The following CRYBB2 variants were observed in gnomAD, a reference collection of about 807,000 sequenced individuals.
CRYBB2 encodes the protein beta-crystallin B2.
A neutral mutation model predicts 24.3 loss-of-function variants in CRYBB2; 12 were observed. The observed-to-expected ratio is 0.49, with a 90% CI of 0.32 to 0.80. The LOEUF is 0.80. CRYBB2 is among the 30% of genes least tolerant of loss of function. CRYBB2 has a pLI of 0.04. For synonymous variants in CRYBB2, 98 were observed against 101.6 expected, an observed-to-expected ratio of 0.96 and a Z score of 0.21; for missense variants, 198 against 268.5, an observed-to-expected ratio of 0.74 and a Z score of 1.83.
intron 4 of CRYBB2, among the ~76,000 whole-genome samples, chr22:25,228,982 G>C (rs8135808): frequency 1.3e-5 from 2 of 150,238 alleles, no homozygotes; most frequent in Admixed American, 1.3e-4. Context: ...GTGTGTGCAC[G>C]CATGTGTGGG....
Position 25,231,620 on chromosome 22 carries a change from T to C in CRYBB2, c.466T>C (p.Tyr156His). Residue 156 changes from tyrosine (Y) to histidine (H), a missense_variant, in exon 6 of 6, where the codon TAC (tyrosine) becomes CAC (histidine). Coordinates refer to ENST00000398215, the MANE Select transcript of CRYBB2 (RefSeq NM_000496.3). Reference protein sequence around the residue: ...VQSGTWVGYQYPGYRGLQYLL... With the variant: ...VQSGTWVGYQHPGYRGLQYLL... ...GCCCTGCAGGTGGGTTGGCTACCAGTACCCCGGCTACCGTGGGCTGCAGTA... is the reference window on the plus strand; with the variant it reads ...GCCCTGCAGGTGGGTTGGCTACCAGCACCCCGGCTACCGTGGGCTGCAGTA... 3 of 1,614,116 alleles carry C rather than the reference T, an allele frequency of 1.9e-6. No individual in the cohort carries two copies. The highest frequency in any genetic ancestry group is 2.5e-6 in the Non-Finnish European group (3 of 1,179,986).
chr22:25,226,764 C>T (rs1935424904), intron 3 of CRYBB2, among the ~76,000 whole-genome samples: 1 of 152,180 alleles, frequency 6.6e-6, no homozygotes, highest in Non-Finnish European at 1.5e-5. Flanking sequence ...ACCTCCGCCT[C>T]CCGGGTTCAG....
rs117169374 is a variant in CRYBB2, at chr22:25,228,946, G to A, written c.307-490G>A. Among the ~76,000 whole-genome samples the A allele has an allele frequency of 5.8e-3, 883 of 152,140 alleles. 7 individuals are homozygous for A. The highest frequency in any genetic ancestry group is 0.027 in the South Asian group (130 of 4,816). On this transcript the variant is annotated intron_variant, in intron 4 of 5. Coordinates refer to ENST00000398215, the MANE Select transcript of CRYBB2 (RefSeq NM_000496.3). Reference sequence around the variant, plus strand: ...CATGTGTGGGTGTGCACGTGTGTGCGCGCAAGTGTGTGCGTGTGTCCATGT... The same window carrying A: ...CATGTGTGGGTGTGCACGTGTGTGCACGCAAGTGTGTGCGTGTGTCCATGT...
upstream of CRYBB2, among the ~76,000 whole-genome samples, chr22:25,219,356 A>T (rs530182308): frequency 3.9e-3 from 596 of 152,238 alleles, 3 homozygotes; most frequent in East Asian, 0.026. Context: ...TGACCGTACC[A>T]GTGAACCCAG....
chr22:25,221,691 C>G (rs1472601330), intron 2 of CRYBB2, among the ~76,000 whole-genome samples: 1 of 152,238 alleles, frequency 6.6e-6, no homozygotes, highest in African/African-American at 2.4e-5. Flanking sequence ...ATTCCCAGTA[C>G]CAGCCTCTGG....
At chr22:25,217,292 G>A (rs557579775), upstream of CRYBB2, among the ~76,000 whole-genome samples, 1 of 151,982 alleles carries the variant, frequency 6.6e-6, no homozygotes, top group African/African-American at 2.4e-5. Flanking sequence ...TATTACAGCA[G>A]CCCTGGGATT....
Position 25,225,053 on chromosome 22 carries a change from C to T in CRYBB2, c.173+17C>T, listed in dbSNP as rs751653973. ...GGCTGGACCGTAAGTACCTGGGTGG[C>T]CTCTCCTGGTCAGGGACTTTGGGTG... On this transcript the variant is annotated intron_variant, in intron 3 of 5. Transcript: ENST00000398215. The T allele has an allele frequency of 1.3e-5, 18 of 1,363,890 alleles. No homozygotes were observed. Among genetic ancestry groups the T allele is most frequent in the Non-Finnish European group, 1.9e-5 (18 of 951,286 alleles). The allele number at this position is 1,363,890 out of a possible 1,614,324, so 84.5% of individuals were successfully genotyped here.
chr22:25,215,843 C>T (rs1030654974), upstream of CRYBB2, among the ~76,000 whole-genome samples: 2 of 152,194 alleles, frequency 1.3e-5, no homozygotes, highest in African/African-American at 4.8e-5. Context: ...ATAATACCTA[C>T]TTCAAAGATA....
At chr22:25,227,493 A>G (rs3865761) in intron 3 of CRYBB2, among the ~76,000 whole-genome samples, 66,669 of 147,976 alleles carry the variant, frequency 0.45, 16,123 homozygotes, top group East Asian at 0.87. Context: ...GGCAAACGCT[A>G]CAAATCAAGA....
chr22:25,230,532 G>A (rs1382965788), intron 5 of CRYBB2, among the ~76,000 whole-genome samples: 1 of 151,590 alleles, frequency 6.6e-6, no homozygotes, highest in Non-Finnish European at 1.5e-5. Flanking sequence ...CAGCCACAGG[G>A]TGCATTTACA....
At chr22:25,220,214 C>T (rs1292673422) in intron 1 of CRYBB2, among the ~76,000 whole-genome samples, 8 of 152,186 alleles carry the variant, frequency 5.3e-5, no homozygotes, top group Admixed American at 5.2e-4. Context: ...CCATTTGCTG[C>T]ATGCTGAGTG....
upstream of CRYBB2, among the ~76,000 whole-genome samples, chr22:25,218,727 A>AG (rs1935233103): frequency 8.2e-6 from 1 of 121,412 alleles, no homozygotes; most frequent in African/African-American, 3.4e-5. Flanking sequence ...AGAGAGAGAG[A>AG]GAGAGAGGGG....
intron 4 of CRYBB2, among the ~76,000 whole-genome samples, chr22:25,229,096 CATGT>C (rs1935484810): frequency 7.1e-6 from 1 of 141,780 alleles, no homozygotes; most frequent in Non-Finnish European, 1.5e-5. Context: ...TGTGGGTGTG[CATGT>C]GTGTGTGTGT....
chr22:25,218,267 A>C (rs1377217410), upstream of CRYBB2, among the ~76,000 whole-genome samples: 1 of 147,682 alleles, frequency 6.8e-6, no homozygotes, highest in Admixed American at 6.7e-5. Flanking sequence ...TCAAAAAAAA[A>C]AAAAATAGAA....
upstream of CRYBB2, among the ~76,000 whole-genome samples, chr22:25,215,048 C>G (rs1935150055): frequency 6.6e-6 from 1 of 152,226 alleles, no homozygotes; most frequent in African/African-American, 2.4e-5. Flanking sequence ...CGCCAAAACC[C>G]ATGATTACTT....
intron 4 of CRYBB2, 64 bp from the exon 5 acceptor site, chr22:25,229,372 G>A (rs1385048862): frequency 1.3e-6 from 2 of 1,533,314 alleles, no homozygotes; most frequent in African/African-American, 1.4e-5. Context: ...CATGAGCATG[G>A]GGTGGGAAGG....
At chr22:25,218,173 G>T (rs1201677628), upstream of CRYBB2, among the ~76,000 whole-genome samples, 1 of 151,872 alleles carries the variant, frequency 6.6e-6, no homozygotes, top group Non-Finnish European at 1.5e-5. Context: ...GGAGGAGAAT[G>T]GTGTGAACAC....
intron 4 of CRYBB2, among the ~76,000 whole-genome samples, chr22:25,229,172 A>G (rs1284231323): frequency 6.6e-6 from 1 of 152,122 alleles, no homozygotes; most frequent in African/African-American, 2.4e-5. Flanking sequence ...TATAAAAGAG[A>G]AACTTGAGGA....
At chr22:25,231,466 TG>T (rs1286434937) in intron 5 of CRYBB2, 137 bp from the exon 6 acceptor site, 1 of 827,762 alleles carries the variant, frequency 1.2e-6, no homozygotes, top group Non-Finnish European at 2.1e-6. Flanking sequence ...TGCTTACCCT[TG>T]GGAAGTGGCA....
Sources: allele counts gnomAD v4.1 joint callset (sites outside exome capture counted in the v4.1 genomes callset), GRCh38; gene constraint gnomAD v4.1.1; transcripts MANE v1.5; gene names NCBI Gene and HGNC (gene_info 2026-07-23, HGNC 2026-07-21).